The following RANBP10 variants were observed in gnomAD, a reference collection of about 807,000 sequenced individuals.
RANBP10 encodes ran-binding protein 10.
Under a neutral mutation model 72.8 loss-of-function variants are expected in RANBP10, and 24 were observed. The observed-to-expected ratio is 0.33, with a 90% CI of 0.24 to 0.46. The LOEUF is 0.46. Ranked by LOEUF, RANBP10 falls within the 20% of genes least tolerant of loss-of-function variation. The pLI is 1.00. For missense variants in RANBP10, 679 were observed against 817.5 expected, an observed-to-expected ratio of 0.83 and a Z score of 2.07; for synonymous variants, 310 against 322.3, an observed-to-expected ratio of 0.96 and a Z score of 0.41.
At chr16:67,784,620 C>A (rs1341115566) in intron 2 of RANBP10, among the ~76,000 whole-genome samples, 1 of 151,718 alleles carries the variant, frequency 6.6e-6, no homozygotes, top group African/African-American at 2.4e-5. Context: ...CGAGTCATTG[C>A]GCTCCAGCCT....
In RANBP10 at chr16:67,803,830, T is replaced by TA. The variant is rs1186108487; in HGVS notation, c.347+1597dup. On this transcript the variant is annotated intron_variant, in intron 2 of 13. Coordinates refer to ENST00000317506, the MANE Select transcript of RANBP10 (RefSeq NM_020850.3). Reference sequence around the variant, plus strand: ...GAGACAGAGCAAGACCCCATCTCATTAAAAAAAAAAAAAAAAAAAAAGAGA... The same window carrying TA: ...GAGACAGAGCAAGACCCCATCTCATTAAAAAAAAAAAAAAAAAAAAAAGAGA... Among the ~76,000 whole-genome samples the TA allele has an allele frequency of 3.1e-3, 283 of 91,584 alleles. 2 individuals carry two copies. Among genetic ancestry groups the TA allele is most frequent in the Admixed American group, 7.6e-3 (62 of 8,124 alleles). The allele number at this position is 91,584 out of a possible 152,430, so 60.1% of individuals were successfully genotyped here. A position where few individuals can be genotyped will look rare whatever the true frequency, so the allele number is the denominator to read the frequency against.
chr16:67,785,915 A>T (rs1370097883), intron 2 of RANBP10, among the ~76,000 whole-genome samples: 1 of 151,364 alleles, frequency 6.6e-6, no homozygotes, highest in Non-Finnish European at 1.5e-5. Context: ...AGTCCCAGCT[A>T]CTCGGGAGGC....
At chr16:67,762,996 C>A (rs1385748744) in intron 3 of RANBP10, among the ~76,000 whole-genome samples, 1 of 152,196 alleles carries the variant, frequency 6.6e-6, no homozygotes, top group Non-Finnish European at 1.5e-5. Flanking sequence ...GGAGGAAGGG[C>A]AGTCCCAGGG....
intron 2 of RANBP10, among the ~76,000 whole-genome samples, chr16:67,789,989 C>T (rs745541044): frequency 4.0e-5 from 6 of 151,178 alleles, no homozygotes; most frequent in Non-Finnish European, 5.9e-5. Flanking sequence ...CCCAGCTACT[C>T]GGGAGGCTGA....
At chr16:67,726,883 G>A (rs995717875) in intron 13 of RANBP10, among the ~76,000 whole-genome samples, 3 of 152,248 alleles carry the variant, frequency 2.0e-5, no homozygotes, top group African/African-American at 7.2e-5. Flanking sequence ...TCACCAGAGA[G>A]GGCCTGTACA....
At chr16:67,731,202 G>A (rs553175226) in intron 7 of RANBP10, 2 of 384,898 alleles carry the variant, frequency 5.2e-6, no homozygotes, top group Non-Finnish European at 4.8e-6. Flanking sequence ...GGAAATGGAG[G>A]AATGGAACCA....
intron 2 of RANBP10, among the ~76,000 whole-genome samples, chr16:67,789,712 C>T (rs973948238): frequency 6.6e-6 from 1 of 151,708 alleles, no homozygotes; most frequent in Non-Finnish European, 1.5e-5. Flanking sequence ...CTCAGGTGAT[C>T]CACCCATCTC....
intron 2 of RANBP10, among the ~76,000 whole-genome samples, chr16:67,788,958 C>T (rs2054973737): frequency 2.0e-5 from 3 of 149,446 alleles, no homozygotes; most frequent in African/African-American, 5.0e-5. Flanking sequence ...GATCACACCA[C>T]TGCACTCCAG....
Position 67,727,439 on chromosome 16 carries a change from C to T in RANBP10, c.1621-1G>A, listed in dbSNP as rs759113534. On this transcript the variant is annotated splice_acceptor_variant, in intron 12 of 13. Coordinates refer to ENST00000317506, the MANE Select transcript of RANBP10 (RefSeq NM_020850.3). LOFTEE classifies it high-confidence loss of function. ...AGTATGCCAGCAGGCTGAAGGCATC[C>T]TACAGGACAGGGCATTCTTGAGAGG... 6.2e-7 allele frequency: 1 copy of T among 1,612,490 alleles called. No homozygotes were observed. Among genetic ancestry groups the T allele is most frequent in the Non-Finnish European group, 8.5e-7 (1 of 1,179,200 alleles).
chr16:67,732,992 T>G (rs2053764218), intron 6 of RANBP10, among the ~76,000 whole-genome samples: 1 of 144,750 alleles, frequency 6.9e-6, no homozygotes, highest in South Asian at 2.1e-4. Flanking sequence ...AGGCGGAGCT[T>G]GCAGTGAGCC....
intron 6 of RANBP10, among the ~76,000 whole-genome samples, chr16:67,733,053 CAAAAAA>C (rs770521202): frequency 4.6e-5 from 2 of 43,788 alleles, no homozygotes; most frequent in African/African-American, 1.8e-4. Flanking sequence ...GACTCCATCT[CAAAAAA>C]AAAAAAAAAA....
chr16:67,746,545 G>A (rs147345230), intron 3 of RANBP10, among the ~76,000 whole-genome samples: 102 of 152,260 alleles, frequency 6.7e-4, no homozygotes, highest in African/African-American at 2.2e-3. Flanking sequence ...CAGCTACTTA[G>A]GAGGCTGAGG....
chr16:67,794,640 A>G (rs1336937056), intron 2 of RANBP10, among the ~76,000 whole-genome samples: 1 of 145,902 alleles, frequency 6.9e-6, no homozygotes, highest in Non-Finnish European at 1.5e-5. Flanking sequence ...CTCCTGCCTC[A>G]GCCTCCCGAA....
chr16:67,801,216 T>C (rs1597929445), intron 2 of RANBP10, among the ~76,000 whole-genome samples: 1 of 152,154 alleles, frequency 6.6e-6, no homozygotes, highest in African/African-American at 2.4e-5. Context: ...ACAGATTAAA[T>C]GGAACAGTAA....
At chr16:67,732,035 C>A (rs148994525) in intron 6 of RANBP10, among the ~76,000 whole-genome samples, 101 of 152,314 alleles carry the variant, frequency 6.6e-4, no homozygotes, top group African/African-American at 2.1e-3. Context: ...CACATGCACA[C>A]CTTCTACAGA....
intron 3 of RANBP10, among the ~76,000 whole-genome samples, chr16:67,746,054 G>C (rs1254936841): frequency 6.6e-6 from 1 of 152,036 alleles, no homozygotes; most frequent in Non-Finnish European, 1.5e-5. Context: ...TACTCAGGAG[G>C]CTGAGGCAGG....
chr16:67,780,132 T>C (rs896245435), intron 2 of RANBP10, among the ~76,000 whole-genome samples: 1 of 152,064 alleles, frequency 6.6e-6, no homozygotes, highest in Non-Finnish European at 1.5e-5. Flanking sequence ...CTCGTGAGGC[T>C]GAGGCAGGAC....
intron 2 of RANBP10, among the ~76,000 whole-genome samples, chr16:67,792,776 C>T (rs796505814): frequency 3.7e-4 from 54 of 147,558 alleles, no homozygotes; most frequent in African/African-American, 1.0e-3. Context: ...AGCAAGACTC[C>T]GTCTCAAAAA....
At chr16:67,737,423 T>C (rs1249915298) in intron 5 of RANBP10, among the ~76,000 whole-genome samples, 1 of 151,910 alleles carries the variant, frequency 6.6e-6, no homozygotes, top group African/African-American at 2.4e-5. Context: ...AGGACGATCT[T>C]GATCTCCTGA....
Sources: allele counts gnomAD v4.1 joint callset (sites outside exome capture counted in the v4.1 genomes callset), GRCh38; gene constraint gnomAD v4.1.1; transcripts MANE v1.5; gene names NCBI Gene and HGNC (gene_info 2026-07-23, HGNC 2026-07-21).